The following RBFOX3 variants were observed in gnomAD, a reference collection of about 807,000 sequenced individuals.
The protein encoded by RBFOX3 is RNA binding protein fox-1 homolog 3.
Under a neutral mutation model 48.7 loss-of-function variants are expected in RBFOX3, and 17 were observed. The ratio of observed to expected loss-of-function variants is 0.35; its 90% CI spans 0.24 to 0.52. RBFOX3 has a LOEUF of 0.52. RBFOX3 is among the 20% of genes least tolerant of loss of function. The probability of loss-of-function intolerance (pLI) is 0.94; values close to 1 mark genes in which losing one functional copy is unlikely to be tolerated. For missense variants in RBFOX3, 382 were observed against 497.5 expected (o/e 0.77, Z 2.21); for synonymous variants, 212 against 209.5 (o/e 1.01, Z -0.10).
chr17:79,357,191 G>A (rs562491712), intron 2 of RBFOX3, among the ~76,000 whole-genome samples: 2 of 152,378 alleles, frequency 1.3e-5, no homozygotes, highest in South Asian at 4.1e-4. Context: ...CAAGCAGGCT[G>A]TACGCACATG....
chr17:79,551,794 C>T (rs888769190), intron 1 of RBFOX3, among the ~76,000 whole-genome samples: 6 of 152,176 alleles, frequency 3.9e-5, no homozygotes. Flanking sequence ...CTTCACCTTC[C>T]GCTGTGATTG....
chr17:79,656,960 G>A, the RBFOX3 span, among the ~76,000 whole-genome samples: 6 of 150,230 alleles, frequency 4.0e-5, no homozygotes, highest in African/African-American at 1.2e-4. Context: ...GCAGTAGGCC[G>A]GATTTTGCTG....
chr17:79,337,120 A>AT, intron 2 of RBFOX3, among the ~76,000 whole-genome samples: 1 of 152,134 alleles, frequency 6.6e-6, no homozygotes, highest in African/African-American at 2.4e-5. Flanking sequence ...TCCATCTCAA[A>AT]AAATAAAAAA....
the RBFOX3 span, among the ~76,000 whole-genome samples, chr17:79,639,310 G>A: frequency 1.3e-5 from 2 of 152,032 alleles, no homozygotes; most frequent in Non-Finnish European, 2.9e-5. Flanking sequence ...AAGTAGCTGG[G>A]ACTACAGGCA....
intron 5 of RBFOX3, among the ~76,000 whole-genome samples, chr17:79,112,967 G>A (rs549019112): frequency 6.6e-6 from 1 of 150,834 alleles, no homozygotes; most frequent in Non-Finnish European, 1.5e-5. Context: ...CAGGGTACTT[G>A]GTGGCTGCAC....
chr17:79,172,343 C>T (rs1801220498), intron 4 of RBFOX3, among the ~76,000 whole-genome samples: 1 of 152,130 alleles, frequency 6.6e-6, no homozygotes. Flanking sequence ...TCTGATTTTG[C>T]CCACTTTGCC....
intron 5 of RBFOX3, among the ~76,000 whole-genome samples, chr17:79,110,744 CCA>C (rs149902130): frequency 0.019 from 2,937 of 152,304 alleles, 93 homozygotes; most frequent in African/African-American, 0.066. Context: ...CTGTTGGCTC[CCA>C]CGTGGCATTT....
intron 2 of RBFOX3, among the ~76,000 whole-genome samples, chr17:79,434,869 G>T (rs1555730235): frequency 6.6e-6 from 1 of 152,182 alleles, no homozygotes; most frequent in Non-Finnish European, 1.5e-5. Context: ...GGCCAAGCAT[G>T]GCTGGGACCC....
At chr17:79,349,743 G>A (rs1036185237) in intron 2 of RBFOX3, among the ~76,000 whole-genome samples, 4 of 151,992 alleles carry the variant, frequency 2.6e-5, no homozygotes, top group South Asian at 2.1e-4. Context: ...ACAAAGATGC[G>A]TCATGTAGCT....
intron 1 of RBFOX3, among the ~76,000 whole-genome samples, chr17:79,507,034 T>C (rs963609133): frequency 2.9e-4 from 44 of 152,166 alleles, no homozygotes; most frequent in African/African-American, 9.2e-4. Context: ...CTGGAGCCCG[T>C]TGGTGGAATC....
intron 2 of RBFOX3, among the ~76,000 whole-genome samples, chr17:79,386,067 C>A (rs997759522): frequency 4.7e-5 from 7 of 149,680 alleles, no homozygotes; most frequent in Admixed American, 4.7e-4. Flanking sequence ...GGCTCCATCA[C>A]CCTCCATTGC....
At chr17:79,388,787 C>A (rs550138624) in intron 2 of RBFOX3, among the ~76,000 whole-genome samples, 1 of 152,206 alleles carries the variant, frequency 6.6e-6, no homozygotes, top group African/African-American at 2.4e-5. Context: ...CGGAGCCTCT[C>A]GCCAAGCATC....
the RBFOX3 span, among the ~76,000 whole-genome samples, chr17:79,650,104 C>T: frequency 1.3e-5 from 2 of 152,160 alleles, no homozygotes; most frequent in African/African-American, 4.8e-5. Context: ...ATATCAGTGC[C>T]TGTGCAAGGA....
At chr17:79,386,847 T>C (rs938447816) in intron 2 of RBFOX3, among the ~76,000 whole-genome samples, 2 of 152,246 alleles carry the variant, frequency 1.3e-5, no homozygotes, top group African/African-American at 4.8e-5. Flanking sequence ...AGGCCATCCC[T>C]AGCAGCCATG....
intron 1 of RBFOX3, among the ~76,000 whole-genome samples, chr17:79,483,447 C>CCTGCCTGT: frequency 1.5e-5 from 2 of 136,504 alleles, no homozygotes; most frequent in Admixed American, 7.5e-5. Context: ...GGCCTCCCTC[C>CCTGCCTGT]CTCCCTCCCT....
At chr17:79,565,247 C>G (rs1484654186) in intron 1 of RBFOX3, among the ~76,000 whole-genome samples, 1 of 151,952 alleles carries the variant, frequency 6.6e-6, no homozygotes, top group East Asian at 1.9e-4. Context: ...CATCTCTACC[C>G]TCTTCTGTGC....
intron 4 of RBFOX3, among the ~76,000 whole-genome samples, chr17:79,161,107 C>G (rs768908028): frequency 6.6e-6 from 1 of 152,298 alleles, no homozygotes; most frequent in East Asian, 1.9e-4. Context: ...GAAACATAGC[C>G]CCTCTGCAGA....
chr17:79,651,966 G>A, the RBFOX3 span, among the ~76,000 whole-genome samples: 3 of 149,910 alleles, frequency 2.0e-5, no homozygotes, highest in African/African-American at 7.4e-5. Flanking sequence ...CAACCAAGTG[G>A]CTGAGCTTGG....
chr17:79,353,768 G>A (rs1489997553), intron 2 of RBFOX3, among the ~76,000 whole-genome samples: 1 of 152,152 alleles, frequency 6.6e-6, no homozygotes, highest in East Asian at 1.9e-4. Flanking sequence ...CTGGCTGAAG[G>A]TGGAGATCAA....
Sources: gnomAD v4.1 joint callset for allele counts (sites outside exome capture counted in the v4.1 genomes callset) on GRCh38, gnomAD v4.1.1 for gene constraint, MANE v1.5 for transcripts, NCBI Gene and HGNC (gene_info 2026-07-23, HGNC 2026-07-21) for gene names.